The following IL12A variants were observed in gnomAD, a reference collection of about 807,000 sequenced individuals.
The protein encoded by IL12A is interleukin-12 subunit alpha.
A neutral mutation model predicts 23.5 loss-of-function variants in IL12A; 16 were observed. The ratio of observed to expected loss-of-function variants is 0.68; its 90% CI spans 0.46 to 1.03. The LOEUF is 1.03. Among genes scored for constraint, IL12A ranks in the 50% least tolerant of loss-of-function variants. The pLI is 0.00. For missense variants in IL12A, 275 were observed against 307.0 expected, an observed-to-expected ratio of 0.90 and a Z score of 0.78; for synonymous variants, 106 against 111.5, an observed-to-expected ratio of 0.95 and a Z score of 0.31.
chr3:159,991,954 T>C (rs1720330593), intron 2 of IL12A, among the ~76,000 whole-genome samples: 2 of 152,246 alleles, frequency 1.3e-5, no homozygotes. Flanking sequence ...TTAGATCAGC[T>C]GATTAGCAAA....
intron 3 of IL12A, 48 bp from the exon 4 acceptor site, chr3:159,993,403 G>A: frequency 6.8e-7 from 1 of 1,464,968 alleles, no homozygotes. Context: ...GAGTCAGAAA[G>A]ATTTATACTA....
intron 2 of IL12A, 122 bp downstream of exon 2, chr3:159,990,434 C>A (rs1720263102): frequency 2.0e-6 from 2 of 989,414 alleles, no homozygotes; most frequent in Non-Finnish European, 1.5e-6. Context: ...TAGCAGCTGT[C>A]AACAGCAGGA....
rs1720407927 is a variant in IL12A, at chr3:159,993,983, T to G, written c.606+139T>G. 5 of 817,326 alleles carry G rather than the reference T, an allele frequency of 6.1e-6. No individual in the cohort carries two copies. In the South Asian group the frequency reaches 8.4e-5, roughly 14 times the overall value. The allele number at this position is 817,326 out of a possible 1,614,324, so 50.6% of individuals were successfully genotyped here. A position where few individuals can be genotyped will look rare whatever the true frequency, so the allele number is the denominator to read the frequency against. The stretch of plus-strand genomic sequence containing the variant: ...ACCTACATTTTCAAGAAGACAGCCT[T>G]GAGGGTGCCGTCTATAGGGAGCACA... On this transcript the variant is annotated intron_variant, in intron 6 of 6. Transcript: ENST00000305579.
intron 2 of IL12A, among the ~76,000 whole-genome samples, chr3:159,991,001 T>A (rs1031098708): frequency 6.6e-6 from 1 of 152,212 alleles, no homozygotes; most frequent in African/African-American, 2.4e-5. Flanking sequence ...TTCTTGAGTA[T>A]TTTCTAGCTT....
chr3:159,991,219 AT>A (rs1188687667), intron 2 of IL12A, among the ~76,000 whole-genome samples: 1 of 152,154 alleles, frequency 6.6e-6, no homozygotes, highest in African/African-American at 2.4e-5. Context: ...ATTCATATAG[AT>A]TTTTTTGTGC....
In IL12A at chr3:159,994,203, A is replaced by C. The variant is rs1195738280; in HGVS notation, c.606+359A>C. ...GAGGCTCTGCCTCTTAAAATCCTTC[A>C]AGAGGATTTCACTACACTTACCTTC... On this transcript the variant is annotated intron_variant, in intron 6 of 6. Coordinates refer to ENST00000305579, the MANE Select transcript of IL12A (RefSeq NM_000882.4). The C allele has an allele frequency of 1.6e-5, 3 of 191,804 alleles. No homozygotes were observed. In the East Asian group the frequency reaches 3.6e-4, roughly 23 times the overall value. The allele number at this position is 191,804 out of a possible 1,614,324, so 11.9% of individuals were successfully genotyped here.
intron 2 of IL12A, among the ~76,000 whole-genome samples, chr3:159,991,288 C>G (rs1410503714): frequency 2.6e-5 from 4 of 152,144 alleles, no homozygotes; most frequent in African/African-American, 9.7e-5. Flanking sequence ...TTATAGAAAT[C>G]AATTTAATGT....
Position 159,988,837 on chromosome 3 carries a change from T to A in IL12A, c.-220T>A, listed in dbSNP as rs1371691475. ...GACCCCGCGCAGTAACTGCGAACAT[T>A]TCGCTTTCATTTTGGGCCGAGCTGG... On this transcript the variant is annotated 5_prime_UTR_variant, in exon 1 of 7. Coordinates refer to ENST00000305579, the MANE Select transcript of IL12A (RefSeq NM_000882.4). 1.8e-6 allele frequency: 1 copy of A among 570,320 alleles called. No homozygotes were observed. The highest frequency in any genetic ancestry group is 3.7e-4 in the Middle Eastern group (1 of 2,682). 35.3% of individuals were successfully genotyped at this position (570,320 alleles called of 1,614,324 possible). A position where few individuals can be genotyped will look rare whatever the true frequency, so the allele number is the denominator to read the frequency against.
At chr3:159,992,470 T>C (rs1332128754) in intron 2 of IL12A, among the ~76,000 whole-genome samples, 1 of 152,208 alleles carries the variant, frequency 6.6e-6, no homozygotes, top group Non-Finnish European at 1.5e-5. Flanking sequence ...CTTCCTAAGA[T>C]ACATTTCATA....
At chr3:159,992,053 G>C (rs1041221689) in intron 2 of IL12A, among the ~76,000 whole-genome samples, 4 of 152,190 alleles carry the variant, frequency 2.6e-5, no homozygotes, top group Non-Finnish European at 5.9e-5. Flanking sequence ...TGTCTTTGGA[G>C]GTGGAGAATT....
intron 2 of IL12A, among the ~76,000 whole-genome samples, chr3:159,990,598 A>T (rs908700964): frequency 1.3e-5 from 2 of 152,216 alleles, no homozygotes; most frequent in Non-Finnish European, 2.9e-5. Context: ...TAGCCTGCCA[A>T]CAGAGATAGA....
At chr3:159,989,280 G>C (rs1474225395) in intron 1 of IL12A, 106 bp downstream of exon 1, 10 of 826,416 alleles carry the variant, frequency 1.2e-5, no homozygotes, top group Non-Finnish European at 1.8e-5. Flanking sequence ...GACTGGAACA[G>C]CAGCAGCCGT....
chr3:159,990,561 G>A (rs2108043606), intron 2 of IL12A, among the ~76,000 whole-genome samples: 2 of 152,352 alleles, frequency 1.3e-5, no homozygotes, highest in Middle Eastern at 6.8e-3. Context: ...TCTACACTGA[G>A]TAAAGTGGAT....
At position 159,989,140 on chromosome 3, in the gene IL12A, C is replaced by G; in HGVS notation, c.84C>G (p.Ser28=). The G allele has an allele frequency of 2.5e-6, 4 of 1,612,196 alleles. No individual in the cohort carries two copies. The highest frequency in any genetic ancestry group is 3.4e-6 in the Non-Finnish European group (4 of 1,179,590). Residue 28 remains serine (S), a synonymous_variant, in exon 1 of 7, where the codon TCC becomes TCG. Transcript: ENST00000305579. ...TGCATCCAGCGGCTCGCCCTGTGTC[C>G]CTGCAGTGCCGGCTCAGCATGTGTC...
rs1488500071 is a variant in IL12A at position 159,993,456 on chromosome 3, G to A, written c.384G>A (p.Glu128=). 6.2e-7 allele frequency: 1 copy of A among 1,609,718 alleles called. No individual in the cohort carries two copies. The highest frequency in any genetic ancestry group is 2.2e-5 in the East Asian group (1 of 44,852). ...ATATGATTTTTTCCCTCTAGAATGA[G>A]AGTTGCCTAAATTCCAGAGAGACCT... is the stretch of plus-strand genomic sequence containing the variant. Residue 128 remains glutamate (E), a synonymous_variant, in exon 4 of 7, where the codon GAG becomes GAA. Transcript: ENST00000305579.
At chr3:159,992,181 C>T (rs905602980) in intron 2 of IL12A, among the ~76,000 whole-genome samples, 6 of 152,176 alleles carry the variant, frequency 3.9e-5, no homozygotes, top group Admixed American at 6.5e-5. Flanking sequence ...CCTCCATTGT[C>T]GACACTTTAC....
Position 159,990,261 on chromosome 3 carries a change from C to T in IL12A, c.213C>T (p.Cys71=), listed in dbSNP as rs776024581. The T allele has an allele frequency of 1.9e-6, 3 of 1,614,116 alleles. No homozygotes were observed. The highest frequency in any genetic ancestry group is 2.5e-6 in the Non-Finnish European group (3 of 1,179,996). ...CTCCAGACCCAGGAATGTTCCCATG[C>T]CTTCACCACTCCCAAAACCTGCTGA... Residue 71 remains cysteine (C), a synonymous_variant, in exon 2 of 7, where the codon TGC becomes TGT. Coordinates refer to ENST00000305579, the MANE Select transcript of IL12A (RefSeq NM_000882.4).
rs750258702 is a variant in IL12A, at chr3:159,989,041, C to T, written c.-16C>T. The T allele has an allele frequency of 6.2e-6, 10 of 1,604,072 alleles. No homozygotes were observed. The South Asian group carries it at 8.8e-5, about 14-fold the overall frequency. On this transcript the variant is annotated 5_prime_UTR_variant, in exon 1 of 7. Coordinates refer to ENST00000305579, the MANE Select transcript of IL12A (RefSeq NM_000882.4). ...GTCCCGGGAAAGTCCTGCCGCGCCTCGGGACAATTATAAAAATGTGGCCCC... is the reference window on the plus strand; with the variant it reads ...GTCCCGGGAAAGTCCTGCCGCGCCTTGGGACAATTATAAAAATGTGGCCCC...
intron 1 of IL12A, 50 bp downstream of exon 1, chr3:159,989,224 G>A (rs760290351): frequency 2.1e-6 from 3 of 1,451,796 alleles, no homozygotes; most frequent in Non-Finnish European, 2.9e-6. Context: ...GCGGAGGGGC[G>A]GCTGCTTGGG....
Sources: allele counts gnomAD v4.1 joint callset (sites outside exome capture counted in the v4.1 genomes callset), GRCh38; gene constraint gnomAD v4.1.1; transcripts MANE v1.5; gene names NCBI Gene and HGNC (gene_info 2026-07-23, HGNC 2026-07-21).